The following CCDC13 variants were observed in gnomAD, a reference collection of about 807,000 sequenced individuals.
CCDC13 encodes the protein coiled-coil domain-containing protein 13.
CCDC13 carries 70 observed loss-of-function variants against 87.3 expected under a neutral mutation model. The ratio of observed to expected loss-of-function variants is 0.80; its 90% CI spans 0.66 to 0.98. The LOEUF (loss-of-function observed/expected upper bound fraction) is 0.98. CCDC13 is among the 50% of genes least tolerant of loss of function. The probability of loss-of-function intolerance (pLI) is 0.00; values close to 1 mark genes in which losing one functional copy is unlikely to be tolerated. For missense variants in CCDC13, 842 were observed against 892.0 expected, an observed-to-expected ratio of 0.94 and a Z score of 0.71; for synonymous variants, 317 against 360.3, an observed-to-expected ratio of 0.88 and a Z score of 1.36.
At chr3:42,728,077 C>T (rs921426170) in intron 13 of CCDC13, among the ~76,000 whole-genome samples, 1 of 152,238 alleles carries the variant, frequency 6.6e-6, no homozygotes, top group African/African-American at 2.4e-5. Flanking sequence ...GACTAACCAA[C>T]TCCTATTGTA....
intron 5 of CCDC13, among the ~76,000 whole-genome samples, chr3:42,751,430 A>C (rs1699575943): frequency 6.6e-6 from 1 of 152,114 alleles, no homozygotes; most frequent in African/African-American, 2.4e-5. Flanking sequence ...AGCCACTTTT[A>C]CTCTGTAGAT....
At chr3:42,719,818 T>C (rs1698519588) in intron 13 of CCDC13, among the ~76,000 whole-genome samples, 1 of 152,230 alleles carries the variant, frequency 6.6e-6, no homozygotes, top group African/African-American at 2.4e-5. Context: ...TGTCTATATG[T>C]ATATGTATTA....
chr3:42,736,838 G>T (rs1699038514), intron 9 of CCDC13, among the ~76,000 whole-genome samples: 2 of 152,116 alleles, frequency 1.3e-5, no homozygotes, highest in African/African-American at 4.8e-5. Context: ...GGTGCCTCGG[G>T]TCCCACAGAG....
intron 9 of CCDC13, 94 bp from the exon 10 acceptor site, chr3:42,736,007 C>A: frequency 1.7e-6 from 2 of 1,171,958 alleles, no homozygotes; most frequent in East Asian, 2.6e-5. Context: ...CCAAAGCAGG[C>A]TGCAGGAACC....
chr3:42,720,141 T>C (rs1416658892), intron 13 of CCDC13, among the ~76,000 whole-genome samples: 1 of 152,176 alleles, frequency 6.6e-6, no homozygotes, highest in Non-Finnish European at 1.5e-5. Context: ...CCTGGGGACA[T>C]GTGGAATTAG....
rs773821437 is a variant in CCDC13 at position 42,747,294 on chromosome 3, A to G, written c.683T>C (p.Ile228Thr). The G allele has an allele frequency of 4.5e-5, 72 of 1,614,018 alleles. No individual in the cohort carries two copies. Among genetic ancestry groups the G allele is most frequent in the Non-Finnish European group, 5.8e-5 (69 of 1,180,024 alleles). The change falls in exon 6 of 16, where the codon ATC becomes ACC. Residue 228 changes from isoleucine (I) to threonine (T), a missense_variant. By Grantham distance (89) the Ile-to-Thr change is moderately conservative. Coordinates refer to ENST00000310232, the MANE Select transcript of CCDC13 (RefSeq NM_144719.4). The stretch of plus-strand genomic sequence containing the variant: ...CCGCAGCTCCTGCTTCACAGACTGG[A>G]TCTGGTTTCGGAGGTCACTCATCTT... The part of the protein sequence containing the change: ...NLKMSDLRNQ[I>T]QSVKQELRMA...
At chr3:42,728,921 C>T (rs1287932162) in intron 13 of CCDC13, among the ~76,000 whole-genome samples, 5 of 145,244 alleles carry the variant, frequency 3.4e-5, no homozygotes, top group Non-Finnish European at 7.6e-5. Context: ...AGGTGCCCTG[C>T]TTGCCTCACC....
chr3:42,740,833 G>T (rs1273574511), intron 8 of CCDC13: 1 of 152,212 alleles, frequency 6.6e-6, no homozygotes, highest in African/African-American at 2.4e-5. Flanking sequence ...AGGGTGAATT[G>T]TTGCTGGAAA....
At chr3:42,711,474 T>C (rs931388828) in intron 14 of CCDC13, among the ~76,000 whole-genome samples, 4 of 152,114 alleles carry the variant, frequency 2.6e-5, no homozygotes, top group African/African-American at 4.8e-5. Context: ...TAATAGTTTA[T>C]GCCTCTAGAG....
intron 5 of CCDC13, chr3:42,750,055 A>G: frequency 2.5e-6 from 1 of 401,532 alleles, no homozygotes; most frequent in South Asian, 1.8e-5. Context: ...CCCATCACAC[A>G]CTCTTCTCTC....
Position 42,714,712 on chromosome 3 carries a change from T to C in CCDC13, c.1719-1396A>G, listed in dbSNP as rs76767639. Among the ~76,000 whole-genome samples the C allele has an allele frequency of 2.0e-5, 3 of 152,254 alleles. No individual in the cohort carries two copies. The East Asian group carries it at 5.8e-4, about 29-fold the overall frequency. On this transcript the variant is annotated intron_variant, in intron 13 of 15. Transcript: ENST00000310232. ...GTTGGAGGAAGTGATCTTTCCACCT[T>C]GGTGAAGGGTCAAAAGGAACAGAAT...
chr3:42,727,857 A>G (rs1401786641), intron 13 of CCDC13, among the ~76,000 whole-genome samples: 3 of 152,236 alleles, frequency 2.0e-5, no homozygotes, highest in Non-Finnish European at 4.4e-5. Context: ...AAACTTGATC[A>G]GTCCAATATA....
chr3:42,734,677 CA>C (rs1698944670), intron 10 of CCDC13, among the ~76,000 whole-genome samples: 1 of 152,238 alleles, frequency 6.6e-6, no homozygotes, highest in Admixed American at 6.5e-5. Flanking sequence ...AAACAAAGAG[CA>C]GGGCTGCTTT....
intron 4 of CCDC13, among the ~76,000 whole-genome samples, 197 bp downstream of exon 4, chr3:42,752,378 C>T (rs1283065908): frequency 6.6e-6 from 1 of 152,128 alleles, no homozygotes; most frequent in Admixed American, 6.6e-5. Context: ...ACAGATGAGG[C>T]CAGAGACACC....
At position 42,751,989 on chromosome 3, in the gene CCDC13, C is replaced by T; in HGVS notation, c.550G>A (p.Ala184Thr). The T allele has an allele frequency of 1.9e-6, 3 of 1,609,778 alleles. No individual in the cohort carries two copies. The highest frequency in any genetic ancestry group is 2.5e-6 in the Non-Finnish European group (3 of 1,180,000). Residue 184 changes from alanine (A) to threonine (T), a missense_variant, in exon 5 of 16, where the codon GCC (alanine) becomes ACC (threonine). Ala to Thr is a moderately conservative substitution (Grantham distance 58). Transcript: ENST00000310232. ...GGTGGCTTGGCTCCTGCGTCGGTGG[C>T]CCCCTTGGCTGACAGCCTGGTCAGG... The part of the protein sequence containing the change: ...TALTRLSAKG[A>T]TDAGAKPPRA...
intron 5 of CCDC13, among the ~76,000 whole-genome samples, chr3:42,749,475 G>A (rs2125902495): frequency 6.6e-6 from 1 of 152,376 alleles, no homozygotes; most frequent in South Asian, 2.1e-4. Context: ...GAACCTGAGA[G>A]GGTTGCTAGG....
At chr3:42,724,526 ATCTCTGGTCTCACTGATTT>A (rs1365056984) in intron 13 of CCDC13, among the ~76,000 whole-genome samples, 1 of 152,070 alleles carries the variant, frequency 6.6e-6, no homozygotes, top group African/African-American at 2.4e-5. Context: ...CTTTTGACCA[ATCTCTGGTCTCACTGATTT>A]TCTTCAGTTG....
intron 5 of CCDC13, 42 bp from the exon 6 acceptor site, chr3:42,747,415 T>A: frequency 7.7e-7 from 1 of 1,301,166 alleles, no homozygotes; most frequent in Non-Finnish European, 1.1e-6. Flanking sequence ...ATTTATTGCC[T>A]ACATGGGAAT....
intron 14 of CCDC13, 65 bp downstream of exon 14, chr3:42,713,096 TG>T: frequency 1.3e-6 from 2 of 1,556,362 alleles, no homozygotes; most frequent in Non-Finnish European, 1.8e-6. Flanking sequence ...TGCAGCTGCC[TG>T]GCTCCTCTGT....
Sources: allele counts gnomAD v4.1 joint callset (sites outside exome capture counted in the v4.1 genomes callset), GRCh38; gene constraint gnomAD v4.1.1; transcripts MANE v1.5; gene names NCBI Gene and HGNC (gene_info 2026-07-23, HGNC 2026-07-21).